Variants in PAPPA observed in about 807,000 individuals in gnomAD.
The protein encoded by PAPPA is pappalysin-1.
A neutral mutation model predicts 164.0 loss-of-function variants in PAPPA; 60 were observed. The observed-to-expected ratio is 0.37, with a 90% CI of 0.30 to 0.45. The LOEUF is 0.45. PAPPA is among the 20% of genes least tolerant of loss of function. PAPPA has a pLI of 1.00. For missense variants in PAPPA, 1,782 were observed against 2,087.3 expected (o/e 0.85, Z 2.85); for synonymous variants, 875 against 814.1 (o/e 1.07, Z -1.27).
Position 116,331,375 on chromosome 9 carries a change from G to A in PAPPA, c.3261+18G>A, listed in dbSNP as rs1845989148. The A allele has an allele frequency of 6.9e-7, 1 of 1,453,478 alleles. No homozygotes were observed. The highest frequency in any genetic ancestry group is 9.7e-7 in the Non-Finnish European group (1 of 1,033,566). The allele number at this position is 1,453,478 out of a possible 1,614,324, so 90.0% of individuals were successfully genotyped here. The stretch of plus-strand genomic sequence containing the variant: ...GGCTCCGGGTAAGCTGAAGCTCTGA[G>A]AGCTTTGGAATCTCCAGCAGCGAGC... On this transcript the variant is annotated intron_variant, in intron 11 of 21. Coordinates refer to ENST00000328252, the MANE Select transcript of PAPPA (RefSeq NM_002581.5).
At chr9:116,369,771 C>T (rs909656300) in intron 19 of PAPPA, among the ~76,000 whole-genome samples, 7 of 151,740 alleles carry the variant, frequency 4.6e-5, no homozygotes, top group Admixed American at 1.3e-4. Context: ...ATTGCCCACC[C>T]GCTGCCTGCC....
At position 116,402,121 on chromosome 9, in the gene PAPPA, T is replaced by A. The variant is rs1393769819; in HGVS notation, c.*5505T>A. On this transcript the variant is annotated 3_prime_UTR_variant, in exon 22 of 22. Transcript: ENST00000328252. The stretch of plus-strand genomic sequence containing the variant: ...CTAATTTATTTTTTCTATACAGTTT[T>A]AAATACTCAGACATATTTTGCTGTT... The A allele has an allele frequency of 6.6e-6, 1 of 152,606 alleles. No homozygotes were observed. Among genetic ancestry groups the A allele is most frequent in the African/African-American group, 2.4e-5 (1 of 41,452 alleles). The allele number at this position is 152,606 out of a possible 1,614,324, so 9.5% of individuals were successfully genotyped here.
intron 3 of PAPPA, among the ~76,000 whole-genome samples, chr9:116,209,791 A>G (rs1232359806): frequency 6.6e-6 from 1 of 152,192 alleles, no homozygotes; most frequent in Non-Finnish European, 1.5e-5. Flanking sequence ...ATGGAGAGAC[A>G]GAGAATCATT....
chr9:116,185,776 C>T (rs1445238381), intron 1 of PAPPA, among the ~76,000 whole-genome samples: 2 of 152,186 alleles, frequency 1.3e-5, no homozygotes, highest in East Asian at 3.9e-4. Flanking sequence ...ATCTGCTAAC[C>T]TACTTCCTGG....
In PAPPA at chr9:116,220,049, C is replaced by T. The variant is rs199936887; in HGVS notation, c.2031C>T (p.Leu677=). The change falls in exon 5 of 22, where the codon CTC becomes CTT. Residue 677 remains leucine (L), a synonymous_variant. Coordinates refer to ENST00000328252, the MANE Select transcript of PAPPA (RefSeq NM_002581.5). ...CCAGGAAACCAGCGCCTGTTGCCCT[C>T]GCCCCCCAAGTTCTGGGCCACACAA... ...QPSRKPAPVA[L]APQVLGHTTD... is the part of the protein sequence containing the mutation. The T allele has an allele frequency of 4.8e-5, 78 of 1,614,108 alleles. No homozygotes were observed. The highest frequency in any genetic ancestry group is 2.0e-4 in the African/African-American group (15 of 75,038).
intron 10 of PAPPA, among the ~76,000 whole-genome samples, chr9:116,329,977 G>T: frequency 6.6e-6 from 1 of 152,052 alleles, no homozygotes; most frequent in East Asian, 1.9e-4. Context: ...TGTAGAAATG[G>T]ATATTCTTAA....
At chr9:116,289,625 C>G (rs1307884011) in intron 9 of PAPPA, among the ~76,000 whole-genome samples, 4 of 152,010 alleles carry the variant, frequency 2.6e-5, no homozygotes, top group Admixed American at 6.6e-5. Flanking sequence ...TCAGTTGCCA[C>G]TTTATACAGA....
chr9:116,174,680 C>A (rs1843811541), intron 1 of PAPPA, among the ~76,000 whole-genome samples: 1 of 151,936 alleles, frequency 6.6e-6, no homozygotes, highest in Admixed American at 6.6e-5. Context: ...TTAATTCTTT[C>A]TTTTAGAATT....
In PAPPA at chr9:116,304,763, C is replaced by T. The variant is rs576049072; in HGVS notation, c.3147+1813C>T. 2.2e-4 allele frequency among the ~76,000 whole-genome samples: 33 copies of T among 152,058 alleles called. No individual in the cohort carries two copies. The South Asian group carries it at 5.4e-3, about 25-fold the overall frequency. On this transcript the variant is annotated intron_variant, in intron 10 of 21. Transcript: ENST00000328252. ...AAAATCATTATAAATACTAGCTCTTCGATCTACAAAGAGGAGATGAGGAAA... is the reference window on the plus strand; with the variant it reads ...AAAATCATTATAAATACTAGCTCTTTGATCTACAAAGAGGAGATGAGGAAA...
intron 14 of PAPPA, 42 bp from the exon 15 acceptor site, chr9:116,346,984 C>T (rs1846218483): frequency 2.6e-6 from 4 of 1,541,770 alleles, no homozygotes; most frequent in Non-Finnish European, 2.7e-6. Context: ...ACATCTAGAG[C>T]TCAGTCTGCC....
At chr9:116,336,239 GA>G (rs147269950) in intron 13 of PAPPA, among the ~76,000 whole-genome samples, 40 of 147,732 alleles carry the variant, frequency 2.7e-4, no homozygotes, top group Admixed American at 8.1e-4. Flanking sequence ...CTGGGGGCAA[GA>G]AAAAAAAAAG....
chr9:116,170,108 T>C (rs1445560839), intron 1 of PAPPA, among the ~76,000 whole-genome samples: 1 of 152,032 alleles, frequency 6.6e-6, no homozygotes, highest in Non-Finnish European at 1.5e-5. Flanking sequence ...TTTTCTGGAG[T>C]CAAAGTTCTT....
chr9:116,400,416 G>A lies in PAPPA; in HGVS notation c.*3800G>A, dbSNP rs1847034001. 1 of 152,034 alleles carries A rather than the reference G, an allele frequency of 6.6e-6. No individual in the cohort carries two copies. The highest frequency in any genetic ancestry group is 1.5e-5 in the Non-Finnish European group (1 of 68,002). The allele number at this position is 152,034 out of a possible 1,614,324, so 9.4% of individuals were successfully genotyped here. ...TGTTATTGTTGTTGTTGGGTGGGGT[G>A]GGCATTTTGTTTATTTGTTTGGTGG... is the stretch of plus-strand genomic sequence containing the variant. On this transcript the variant is annotated 3_prime_UTR_variant, in exon 22 of 22. Coordinates refer to ENST00000328252, the MANE Select transcript of PAPPA (RefSeq NM_002581.5).
intron 13 of PAPPA, among the ~76,000 whole-genome samples, chr9:116,343,741 T>TTTTATTTATTTATTTA (rs1224868226): frequency 0.032 from 4,493 of 142,254 alleles, 103 homozygotes; most frequent in African/African-American, 0.039. Context: ...TACCACTTAT[T>TTTTATTTATTTATTTA]TTTATTTATT....
chr9:116,190,472 G>C (rs578190213), intron 2 of PAPPA, among the ~76,000 whole-genome samples: 4 of 152,322 alleles, frequency 2.6e-5, no homozygotes, highest in Admixed American at 2.6e-4. Flanking sequence ...AGCTCAATCT[G>C]CTAATAAATG....
intron 14 of PAPPA, 131 bp downstream of exon 14, chr9:116,344,842 A>G: frequency 1.4e-6 from 1 of 698,616 alleles, no homozygotes; most frequent in Non-Finnish European, 2.3e-6. Context: ...CTCAATAAAT[A>G]TTTATTGATT....
chr9:116,189,376 A>T (rs1447350603), intron 2 of PAPPA, among the ~76,000 whole-genome samples: 3 of 152,260 alleles, frequency 2.0e-5, no homozygotes, highest in Non-Finnish European at 1.5e-5. Context: ...TTCCCATAAC[A>T]TCATGTCTAC....
At chr9:116,327,059 A>G (rs1845929611) in intron 10 of PAPPA, among the ~76,000 whole-genome samples, 1 of 152,200 alleles carries the variant, frequency 6.6e-6, no homozygotes, top group Non-Finnish European at 1.5e-5. Flanking sequence ...GCAGGACAGA[A>G]AAACAGGTTT....
chr9:116,298,097 T>C (rs1035244753), intron 9 of PAPPA, among the ~76,000 whole-genome samples: 2 of 152,186 alleles, frequency 1.3e-5, no homozygotes, highest in Non-Finnish European at 2.9e-5. Flanking sequence ...TAAACTAATA[T>C]CATTTTCCTA....
Sources: allele counts gnomAD v4.1 joint callset (sites outside exome capture counted in the v4.1 genomes callset), GRCh38; gene constraint gnomAD v4.1.1; transcripts MANE v1.5; gene names NCBI Gene and HGNC (gene_info 2026-07-23, HGNC 2026-07-21).